Variants in MS4A18 observed in about 807,000 individuals in gnomAD.
MS4A18 encodes the protein membrane spanning 4-domains A18, also known as membrane-spanning 4-domains subfamily A member 18.
MS4A18 carries 27 observed loss-of-function variants against 13.1 expected under a neutral mutation model. That is an observed-to-expected ratio of 2.06 (90% CI 1.52 to 2.84). The LOEUF is 2.84. Ranked by LOEUF, MS4A18 falls within the 30% of genes most tolerant of loss-of-function variation. MS4A18 has a pLI of 0.00. For missense variants in MS4A18, 307 were observed against 196.4 expected, an observed-to-expected ratio of 1.56 and a Z score of -3.37; for synonymous variants, 126 against 76.5, an observed-to-expected ratio of 1.65 and a Z score of -3.38.
chr11:60,744,401 A>G (rs1409932817), downstream of MS4A18, among the ~76,000 whole-genome samples: 2 of 152,150 alleles, frequency 1.3e-5, no homozygotes, highest in Admixed American at 1.3e-4. Flanking sequence ...GAGGGGGAGC[A>G]ATGTGGAGTG....
intron 1 of MS4A18, among the ~76,000 whole-genome samples, chr11:60,733,032 C>T (rs560117565): frequency 2.2e-4 from 33 of 152,334 alleles, no homozygotes; most frequent in Non-Finnish European, 4.0e-4. Context: ...GAATTTCGGC[C>T]GACAACTATC....
intron 1 of MS4A18, among the ~76,000 whole-genome samples, chr11:60,732,095 C>T (rs1295768802): frequency 6.6e-6 from 1 of 152,084 alleles, no homozygotes; most frequent in Non-Finnish European, 1.5e-5. Context: ...GTCATTTGAT[C>T]CCTGAGGAAA....
rs756970447 is a variant in MS4A18 at position 60,736,963 on chromosome 11, T to TC, written c.592-15_592-14insC. On this transcript the variant is annotated splice_polypyrimidine_tract_variant and intron_variant, in intron 2 of 5. Transcript: ENST00000529108. ...ACAATTGGTCATTCTTTTTTTTTTTTTTTTGTCTGCGTAGTATATTGTATC... is the reference window on the plus strand; with the variant it reads ...ACAATTGGTCATTCTTTTTTTTTTTTCTTTTGTCTGCGTAGTATATTGTATC... The TC allele has an allele frequency of 5.8e-4, 398 of 683,522 alleles. No homozygotes were observed. Among genetic ancestry groups the TC allele is most frequent in the East Asian group, 2.1e-3 (76 of 36,438 alleles). The allele number at this position is 683,522 out of a possible 1,614,324, so 42.3% of individuals were successfully genotyped here. A position where few individuals can be genotyped will look rare whatever the true frequency, so the allele number is the denominator to read the frequency against.
chr11:60,734,827 G>C (rs1241842075), intron 2 of MS4A18, among the ~76,000 whole-genome samples: 2 of 151,150 alleles, frequency 1.3e-5, no homozygotes, highest in Non-Finnish European at 2.9e-5. Flanking sequence ...TGTTGCCCAG[G>C]CTGGAGTGCA....
intron 2 of MS4A18, among the ~76,000 whole-genome samples, chr11:60,735,973 T>C (rs995368832): frequency 6.6e-6 from 1 of 152,166 alleles, no homozygotes; most frequent in Non-Finnish European, 1.5e-5. Context: ...CCCTTGCTTT[T>C]CTTTATGGTC....
At chr11:60,731,930 A>T (rs1231884944) in intron 1 of MS4A18, among the ~76,000 whole-genome samples, 1 of 152,204 alleles carries the variant, frequency 6.6e-6, no homozygotes, top group Non-Finnish European at 1.5e-5. Context: ...TTTTTTTTCT[A>T]AATGGGAACA....
At chr11:60,737,635 C>G (rs1384812365) in intron 3 of MS4A18, among the ~76,000 whole-genome samples, 1 of 152,176 alleles carries the variant, frequency 6.6e-6, no homozygotes. Context: ...AGTATCTGGT[C>G]ATGTTTTGAT....
At chr11:60,744,490 A>G (rs753036006), downstream of MS4A18, among the ~76,000 whole-genome samples, 7 of 152,214 alleles carry the variant, frequency 4.6e-5, no homozygotes, top group Non-Finnish European at 7.3e-5. Flanking sequence ...ACAAGACACC[A>G]AAAATACAAT....
chr11:60,743,977 C>G (rs1241184457), exon 6 of MS4A18: 5 of 702,226 alleles, frequency 7.1e-6, no homozygotes, highest in Non-Finnish European at 2.6e-6. Flanking sequence ...ACCCCCGAAC[C>G]CTCGTACCAA....
chr11:60,732,457 T>A (rs1035728369), intron 1 of MS4A18, among the ~76,000 whole-genome samples: 3 of 151,890 alleles, frequency 2.0e-5, no homozygotes, highest in African/African-American at 4.8e-5. Flanking sequence ...AGGCCTGGCG[T>A]GGTGGCTCAC....
chr11:60,738,849 G>A, intron 3 of MS4A18, 53 bp from the exon 5 acceptor site: 1 of 699,148 alleles, frequency 1.4e-6, no homozygotes, highest in Non-Finnish European at 2.6e-6. Context: ...CACAAGCCAG[G>A]CTTCAGACTC....
rs540855494 is a variant in MS4A18 at position 60,736,944 on chromosome 11, G to A, written c.592-34G>A. ...GTCTTTTTTAACATGCTGCACAATTGGTCATTCTTTTTTTTTTTTTTTTGT... is the reference window on the plus strand; with the variant it reads ...GTCTTTTTTAACATGCTGCACAATTAGTCATTCTTTTTTTTTTTTTTTTGT... On this transcript the variant is annotated intron_variant, in intron 2 of 5. Coordinates refer to ENST00000529108, the Ensembl canonical transcript of MS4A18. 19 of 692,102 alleles carry A rather than the reference G, an allele frequency of 2.7e-5. No individual in the cohort carries two copies. The South Asian group carries it at 2.9e-4, about 11-fold the overall frequency. 42.9% of individuals were successfully genotyped at this position (692,102 alleles called of 1,614,324 possible).
intron 5 of MS4A18, among the ~76,000 whole-genome samples, chr11:60,741,785 A>G (rs1853418130): frequency 6.6e-6 from 1 of 152,160 alleles, no homozygotes; most frequent in Admixed American, 6.5e-5. Flanking sequence ...AGTATGCTCA[A>G]CCCATATTTT....
intron 1 of MS4A18, among the ~76,000 whole-genome samples, chr11:60,731,721 TCAAA>T (rs1853255965): frequency 6.6e-6 from 1 of 152,246 alleles, no homozygotes; most frequent in South Asian, 2.1e-4. Context: ...AACATTGTTC[TCAAA>T]CAGTTGTTGG....
chr11:60,736,244 G>A (rs1228212949), intron 2 of MS4A18, among the ~76,000 whole-genome samples: 2 of 148,970 alleles, frequency 1.3e-5, no homozygotes, highest in Non-Finnish European at 3.0e-5. Flanking sequence ...AGATAGAGAG[G>A]GCTGGAATCA....
chr11:60,726,432 G>C (rs113397703), upstream of MS4A18, among the ~76,000 whole-genome samples: 1 of 152,200 alleles, frequency 6.6e-6, no homozygotes, highest in Non-Finnish European at 1.5e-5. Context: ...GAGAAGTGTA[G>C]GGCATTTCTG....
exon 6 of MS4A18, chr11:60,744,157 T>C: frequency 1.7e-6 from 1 of 584,110 alleles, no homozygotes; most frequent in South Asian, 2.2e-5. Context: ...ACTCCTAAGC[T>C]TCATTTTTGT....
chr11:60,734,358 A>C (rs573431824), intron 2 of MS4A18, among the ~76,000 whole-genome samples: 2 of 152,332 alleles, frequency 1.3e-5, no homozygotes, highest in Admixed American at 6.5e-5. Context: ...GCCGACTGCA[A>C]AATTTCCAGG....
chr11:60,735,626 G>A (rs981663659), intron 2 of MS4A18, among the ~76,000 whole-genome samples: 10 of 139,182 alleles, frequency 7.2e-5, no homozygotes, highest in East Asian at 4.4e-4. Flanking sequence ...CGTGAGCCAC[G>A]GCGGCTGGCC....
Sources: gnomAD v4.1 joint callset for allele counts (sites outside exome capture counted in the v4.1 genomes callset) on GRCh38, gnomAD v4.1.1 for gene constraint, MANE v1.5 for transcripts, NCBI Gene and HGNC (gene_info 2026-07-23, HGNC 2026-07-21) for gene names.